The following CLSTN2 variants were observed in gnomAD, a reference collection of about 807,000 sequenced individuals.
CLSTN2 encodes the protein calsyntenin 2.
A neutral mutation model predicts 101.2 loss-of-function variants in CLSTN2; 48 were observed. The ratio of observed to expected loss-of-function variants is 0.47; its 90% CI spans 0.38 to 0.60. The LOEUF is 0.60. Ranked by LOEUF, CLSTN2 falls within the 20% of genes least tolerant of loss-of-function variation. CLSTN2 has a pLI of 0.00. For synonymous variants in CLSTN2, 481 were observed against 463.6 expected, an observed-to-expected ratio of 1.04 and a Z score of -0.48; for missense variants, 1,160 against 1,238.2, an observed-to-expected ratio of 0.94 and a Z score of 0.95.
At chr3:140,553,380 T>C (rs1368304659) in intron 10 of CLSTN2, among the ~76,000 whole-genome samples, 3 of 152,212 alleles carry the variant, frequency 2.0e-5, no homozygotes, top group African/African-American at 7.2e-5. Context: ...TTCCCCATTA[T>C]TTAAATGAGG....
chr3:140,453,150 G>C (rs555014950), intron 6 of CLSTN2: 8 of 152,126 alleles, frequency 5.3e-5, no homozygotes, highest in Non-Finnish European at 8.8e-5. Context: ...TATGCCCTTG[G>C]TGGTGCGAGG....
At chr3:140,234,141 A>G (rs73226998) in intron 2 of CLSTN2, among the ~76,000 whole-genome samples, 2 of 152,352 alleles carry the variant, frequency 1.3e-5, no homozygotes, top group African/African-American at 2.4e-5. Context: ...ATAACCCGAG[A>G]AAGGGTCACG....
intron 2 of CLSTN2, among the ~76,000 whole-genome samples, chr3:140,213,437 C>G (rs1006369180): frequency 3.3e-5 from 5 of 152,210 alleles, no homozygotes; most frequent in African/African-American, 1.2e-4. Flanking sequence ...TTCCACCTGC[C>G]TATTGCTTGG....
intron 2 of CLSTN2, among the ~76,000 whole-genome samples, chr3:140,242,547 A>G (rs1463538599): frequency 6.6e-6 from 1 of 152,166 alleles, no homozygotes; most frequent in Non-Finnish European, 1.5e-5. Flanking sequence ...ATTTTCCAAA[A>G]TAAGACAGAG....
chr3:140,434,404 C>T (rs144290871), intron 5 of CLSTN2, among the ~76,000 whole-genome samples: 79 of 152,300 alleles, frequency 5.2e-4, no homozygotes, highest in Middle Eastern at 3.4e-3. Context: ...TCCCTCAGGG[C>T]CTACTCTGCA....
intron 2 of CLSTN2, among the ~76,000 whole-genome samples, chr3:140,208,168 A>G (rs1219050354): frequency 6.6e-6 from 1 of 152,204 alleles, no homozygotes; most frequent in East Asian, 1.9e-4. Flanking sequence ...AAGCAAAAAC[A>G]AAGGTTCTCC....
At chr3:140,265,226 CT>C in intron 2 of CLSTN2, among the ~76,000 whole-genome samples, 1 of 152,162 alleles carries the variant, frequency 6.6e-6, no homozygotes, top group East Asian at 1.9e-4. Flanking sequence ...CTACACTGCC[CT>C]TTATGGCTGG....
chr3:140,017,841 G>C (rs1008132320), intron 1 of CLSTN2, among the ~76,000 whole-genome samples: 3 of 152,256 alleles, frequency 2.0e-5, no homozygotes, highest in Non-Finnish European at 2.9e-5. Flanking sequence ...GTGTAGGCCA[G>C]TGTCCTGAGG....
chr3:140,219,669 C>T (rs1576471563), intron 2 of CLSTN2, among the ~76,000 whole-genome samples: 2 of 152,290 alleles, frequency 1.3e-5, no homozygotes, highest in South Asian at 2.1e-4. Flanking sequence ...TTCCAGGCAG[C>T]GCTGCAGATT....
At chr3:140,244,891 A>G (rs929156253) in intron 2 of CLSTN2, among the ~76,000 whole-genome samples, 2 of 152,234 alleles carry the variant, frequency 1.3e-5, no homozygotes, top group African/African-American at 2.4e-5. Context: ...TCTATAGCTT[A>G]TTAAAGTTTG....
At chr3:139,944,970 G>A (rs1162134138) in intron 1 of CLSTN2, among the ~76,000 whole-genome samples, 25 of 152,188 alleles carry the variant, frequency 1.6e-4, no homozygotes, top group Admixed American at 1.6e-3. Context: ...CATTCAGAAA[G>A]GCTGTCGGTG....
intron 1 of CLSTN2, among the ~76,000 whole-genome samples, chr3:140,011,486 A>G (rs1386453294): frequency 2.6e-5 from 4 of 152,176 alleles, no homozygotes. Context: ...GACCAGACCA[A>G]CTGCTGAATC....
intron 1 of CLSTN2, among the ~76,000 whole-genome samples, chr3:140,108,731 A>G (rs1033658920): frequency 6.6e-6 from 1 of 152,062 alleles, no homozygotes; most frequent in Non-Finnish European, 1.5e-5. Flanking sequence ...GTTTTGTTGT[A>G]TTTTGAAGCC....
intron 1 of CLSTN2, among the ~76,000 whole-genome samples, chr3:140,090,392 G>A (rs1052025941): frequency 6.6e-6 from 1 of 152,062 alleles, no homozygotes; most frequent in African/African-American, 2.4e-5. Context: ...TTCCCACCTT[G>A]ACTTCCAAAG....
At chr3:140,188,017 C>G (rs534346477) in intron 2 of CLSTN2, among the ~76,000 whole-genome samples, 1 of 152,168 alleles carries the variant, frequency 6.6e-6, no homozygotes, top group African/African-American at 2.4e-5. Context: ...CTGAAGTGCT[C>G]TCCTCTGGCC....
intron 2 of CLSTN2, among the ~76,000 whole-genome samples, chr3:140,344,382 T>C (rs2087521781): frequency 6.6e-6 from 1 of 152,200 alleles, no homozygotes; most frequent in South Asian, 2.1e-4. Context: ...AACATGCCAA[T>C]GGCCAAAACA....
At chr3:140,240,584 A>T (rs1400732060) in intron 2 of CLSTN2, among the ~76,000 whole-genome samples, 1 of 152,052 alleles carries the variant, frequency 6.6e-6, no homozygotes, top group Non-Finnish European at 1.5e-5. Context: ...GTTAACATTT[A>T]TACAGGTGTA....
At chr3:140,270,507 G>GA (rs563463337) in intron 2 of CLSTN2, among the ~76,000 whole-genome samples, 271 of 152,282 alleles carry the variant, frequency 1.8e-3, no homozygotes, top group Admixed American at 4.9e-3. Context: ...GCTAAGAATG[G>GA]AAAACCACAT....
chr3:140,515,142 G>T (rs968983410), intron 8 of CLSTN2, among the ~76,000 whole-genome samples: 1 of 152,034 alleles, frequency 6.6e-6, no homozygotes. Flanking sequence ...TCTCCTCTAG[G>T]TTTCCTAGTT....
Sources: gnomAD v4.1 joint callset for allele counts (sites outside exome capture counted in the v4.1 genomes callset) on GRCh38, gnomAD v4.1.1 for gene constraint, MANE v1.5 for transcripts, NCBI Gene and HGNC (gene_info 2026-07-23, HGNC 2026-07-21) for gene names.